PACSIN2: variants seen among roughly 807,000 people sequenced by gnomAD.
The protein encoded by PACSIN2 is protein kinase C and casein kinase substrate in neurons 2, also known as protein kinase C and casein kinase substrate in neurons protein 2.
In PACSIN2, 25 loss-of-function variants were observed where a neutral mutation model predicts 63.8. The observed-to-expected ratio is 0.39, with a 90% confidence interval of 0.29 to 0.55. PACSIN2 has a LOEUF of 0.55. PACSIN2 is among the 20% of genes least tolerant of loss of function. The probability of loss-of-function intolerance (pLI) is 0.62; values close to 1 mark genes in which losing one functional copy is unlikely to be tolerated. For missense variants in PACSIN2, 518 were observed against 646.9 expected (o/e 0.80, Z 2.16); for synonymous variants, 255 against 256.2 (o/e 1.00, Z 0.05).
chr22:42,877,740 A>G (rs1602167583), intron 8 of PACSIN2, among the ~76,000 whole-genome samples: 1 of 152,284 alleles, frequency 6.6e-6, no homozygotes, highest in Admixed American at 6.5e-5. Context: ...CAGGCAGACC[A>G]TCAAGCAATC....
chr22:42,879,303 TCCCTGG>T, intron 7 of PACSIN2, 134 bp from the exon 8 acceptor site: 1 of 926,064 alleles, frequency 1.1e-6, no homozygotes, highest in Admixed American at 2.9e-5. Flanking sequence ...GCCCCAGCTC[TCCCTGG>T]TTTCCCAGAA....
chr22:42,996,230 T>A (rs1357541986), intron 1 of PACSIN2, among the ~76,000 whole-genome samples: 7 of 121,658 alleles, frequency 5.8e-5, no homozygotes, highest in African/African-American at 1.2e-4. Context: ...AAAAAAAAAA[T>A]AATAAAATTA....
At position 43,003,673 on chromosome 22, in the gene PACSIN2, C is replaced by A. The variant is rs112471921; in HGVS notation, c.-78+11348G>T. ...CAAATGCTCTTATGTGATATCACAA[C>A]GTTGACAAAATGTGAAGACCTTTCG... On this transcript the variant is annotated intron_variant, in intron 1 of 10. Coordinates refer to ENST00000263246, the MANE Select transcript of PACSIN2 (RefSeq NM_001184970.3). Among the ~76,000 whole-genome samples, 1,055 of 152,322 alleles carry A rather than the reference C, an allele frequency of 6.9e-3. 10 individuals are homozygous for A. The highest frequency in any genetic ancestry group is 0.054 in the Middle Eastern group (16 of 294).
chr22:42,993,724 A>G (rs1923206084), intron 1 of PACSIN2: 1 of 152,210 alleles, frequency 6.6e-6, no homozygotes, highest in Non-Finnish European at 1.5e-5. Context: ...CTGAAGGCCG[A>G]CCAGAGCCGA....
At position 42,884,164 on chromosome 22, in the gene PACSIN2, C is replaced by T. The variant is rs527246382; in HGVS notation, c.785+222G>A. Reference sequence around the variant, plus strand: ...CCAGCAATTGGCCGGGTCAACCAGGCCTTCCAGAGGTCCAGCCGGCCATGC... The same window carrying T: ...CCAGCAATTGGCCGGGTCAACCAGGTCTTCCAGAGGTCCAGCCGGCCATGC... On this transcript the variant is annotated intron_variant, in intron 6 of 10. Coordinates refer to ENST00000263246, the MANE Select transcript of PACSIN2 (RefSeq NM_001184970.3). 5.9e-5 allele frequency among the ~76,000 whole-genome samples: 9 copies of T among 152,318 alleles called. No homozygotes were observed. The South Asian group carries it at 1.2e-3, about 21-fold the overall frequency.
intron 1 of PACSIN2, among the ~76,000 whole-genome samples, chr22:42,936,085 G>T (rs545985906): frequency 6.6e-6 from 1 of 152,192 alleles, no homozygotes; most frequent in Non-Finnish European, 1.5e-5. Context: ...ACATGGTGGC[G>T]GGTGCCTGTA....
intron 1 of PACSIN2, among the ~76,000 whole-genome samples, chr22:42,943,693 C>T (rs1933278125): frequency 6.6e-6 from 1 of 152,074 alleles, no homozygotes; most frequent in African/African-American, 2.4e-5. Flanking sequence ...AACCACCTGA[C>T]ATTATATATT....
intron 1 of PACSIN2, among the ~76,000 whole-genome samples, chr22:42,947,504 C>CCAA (rs1933477194): frequency 6.6e-6 from 1 of 152,106 alleles, no homozygotes. Context: ...TCTTCCCTAC[C>CCAA]CAACAGTCTG....
At chr22:42,896,334 G>A (rs966275657) in intron 2 of PACSIN2, among the ~76,000 whole-genome samples, 2 of 151,958 alleles carry the variant, frequency 1.3e-5, no homozygotes, top group Non-Finnish European at 2.9e-5. Context: ...TGCTATCTAC[G>A]TCAGAAGGTC....
chr22:42,996,761 G>T (rs947541558), intron 1 of PACSIN2, among the ~76,000 whole-genome samples: 4 of 152,096 alleles, frequency 2.6e-5, no homozygotes, highest in African/African-American at 9.7e-5. Context: ...TTTTTTGTTG[G>T]TATTTCTGAT....
chr22:42,972,215 C>T (rs1281711756), intron 1 of PACSIN2, among the ~76,000 whole-genome samples: 3 of 152,348 alleles, frequency 2.0e-5, no homozygotes, highest in South Asian at 2.1e-4. Context: ...CCCCCAATCC[C>T]GTGCTCTCTG....
At chr22:42,940,019 G>A (rs1185892039) in intron 1 of PACSIN2, among the ~76,000 whole-genome samples, 1 of 152,174 alleles carries the variant, frequency 6.6e-6, no homozygotes, top group African/African-American at 2.4e-5. Context: ...CAATTACTGG[G>A]TTTCTAAAAT....
Position 42,912,105 on chromosome 22 carries a change from A to C in PACSIN2, c.-25T>G. 6.4e-7 allele frequency: 1 copy of C among 1,566,692 alleles called. No individual in the cohort carries two copies. The highest frequency in any genetic ancestry group is 8.7e-7 in the Non-Finnish European group (1 of 1,153,550). On this transcript the variant is annotated 5_prime_UTR_variant, in exon 2 of 11. Coordinates refer to ENST00000263246, the MANE Select transcript of PACSIN2 (RefSeq NM_001184970.3). The stretch of plus-strand genomic sequence containing the variant: ...TTTTTTCAAAGGCTGAGGGAGCAGC[A>C]AAGTATACTTAGTCAGGGGTCAACT...
chr22:42,976,644 G>A (rs1921724824), intron 1 of PACSIN2, among the ~76,000 whole-genome samples: 1 of 152,176 alleles, frequency 6.6e-6, no homozygotes. Flanking sequence ...TTTTAAATAT[G>A]CTAACATAAC....
chr22:42,951,156 A>G (rs1368475925), intron 1 of PACSIN2, among the ~76,000 whole-genome samples: 2 of 152,200 alleles, frequency 1.3e-5, no homozygotes, highest in Non-Finnish European at 2.9e-5. Context: ...AAGATAAGGC[A>G]GCACGTGGGC....
intron 1 of PACSIN2, among the ~76,000 whole-genome samples, chr22:42,941,736 T>C (rs762165821): frequency 1.1e-4 from 16 of 152,134 alleles, no homozygotes; most frequent in Non-Finnish European, 1.8e-4. Context: ...TTTAAACTGG[T>C]GTGTCTTCTT....
intron 2 of PACSIN2, among the ~76,000 whole-genome samples, chr22:42,897,651 C>T (rs1403966838): frequency 6.6e-6 from 1 of 152,200 alleles, no homozygotes; most frequent in Non-Finnish European, 1.5e-5. Context: ...CCTTCACTCC[C>T]CTGAGGGACT....
chr22:42,997,389 T>G (rs1923478001), intron 1 of PACSIN2, among the ~76,000 whole-genome samples: 1 of 152,052 alleles, frequency 6.6e-6, no homozygotes, highest in Non-Finnish European at 1.5e-5. Flanking sequence ...AAACCCTGTC[T>G]CTACTAAAAA....
At chr22:42,931,399 C>T (rs888374759) in intron 1 of PACSIN2, among the ~76,000 whole-genome samples, 2 of 152,216 alleles carry the variant, frequency 1.3e-5, no homozygotes, top group Non-Finnish European at 2.9e-5. Context: ...GAGGAAATGG[C>T]TTCCAAGCCA....
Sources: gnomAD v4.1 joint callset for allele counts (sites outside exome capture counted in the v4.1 genomes callset) on GRCh38, gnomAD v4.1.1 for gene constraint, MANE v1.5 for transcripts, NCBI Gene and HGNC (gene_info 2026-07-23, HGNC 2026-07-21) for gene names.